SRGAP3: variants seen among roughly 807,000 people sequenced by gnomAD.
The protein encoded by SRGAP3 is SLIT-ROBO Rho GTPase-activating protein 3.
Under a neutral mutation model 121.1 loss-of-function variants are expected in SRGAP3, and 39 were observed. The observed-to-expected ratio is 0.32, with a 90% CI of 0.25 to 0.42. SRGAP3 has a LOEUF of 0.42. Ranked by LOEUF, SRGAP3 falls within the 10% of genes least tolerant of loss-of-function variation. The pLI is 1.00. For missense variants in SRGAP3, 1,213 were observed against 1,470.6 expected, an observed-to-expected ratio of 0.82 and a Z score of 2.86; for synonymous variants, 601 against 570.0, an observed-to-expected ratio of 1.05 and a Z score of -0.77.
intron 3 of SRGAP3, among the ~76,000 whole-genome samples, chr3:9,299,287 AGAGGCG>A (rs932818464): frequency 1.4e-5 from 2 of 141,078 alleles, no homozygotes; most frequent in Non-Finnish European, 3.1e-5. Flanking sequence ...CTTGAACTCG[AGAGGCG>A]GAGACTGCAG....
At chr3:9,312,802 T>C (rs533230419) in intron 3 of SRGAP3, among the ~76,000 whole-genome samples, 4 of 152,064 alleles carry the variant, frequency 2.6e-5, no homozygotes, top group Middle Eastern at 3.4e-3. Context: ...CTGGGCAACA[T>C]AGCGAGACCC....
intron 1 of SRGAP3, among the ~76,000 whole-genome samples, chr3:9,354,273 G>A (rs532645045): frequency 2.5e-4 from 38 of 152,252 alleles, no homozygotes; most frequent in African/African-American, 7.9e-4. Flanking sequence ...CCATAGAAAC[G>A]AAAAGCAGAA....
intron 3 of SRGAP3, among the ~76,000 whole-genome samples, chr3:9,305,578 G>C (rs1321116792): frequency 6.6e-6 from 1 of 151,256 alleles, no homozygotes; most frequent in East Asian, 1.9e-4. Context: ...CCCCCCGACA[G>C]GCCCCAGTGT....
rs1269220486 is a variant in SRGAP3 at position 9,218,555 on chromosome 3, T to C, written c.67+30330A>G. ...AATCCAGCACAGTTGGCACATCAGG[T>C]AGAAACTATTTCCCACCGCTGATTT... is the stretch of plus-strand genomic sequence containing the variant. On this transcript the variant is annotated intron_variant, in intron 1 of 21. Coordinates refer to ENST00000383836, the MANE Select transcript of SRGAP3 (RefSeq NM_014850.4). This position sits in a 1 kb window ranked among gnomAD's most constrained non-coding sequence, Gnocchi z 5.3. 1.3e-5 allele frequency: 2 copies of C among 152,238 alleles called. No individual in the cohort carries two copies. Among genetic ancestry groups the C allele is most frequent in the Non-Finnish European group, 2.9e-5 (2 of 68,060 alleles). 9.4% of individuals were successfully genotyped at this position (152,238 alleles called of 1,614,324 possible).
At chr3:9,137,517 G>A (rs1949709353) in intron 1 of SRGAP3, among the ~76,000 whole-genome samples, 1 of 152,160 alleles carries the variant, frequency 6.6e-6, no homozygotes, top group Admixed American at 6.5e-5. Context: ...TAATGATGAT[G>A]CTATCAACCA....
rs556958608 is a variant in SRGAP3, at chr3:9,060,427, C to G, written c.673-68G>C. Reference sequence around the variant, plus strand: ...AGGACGGGGTTTGTGATTTTCTATTCCTTTTTTTTTTTTTTTTGAGACAGG... The same window carrying G: ...AGGACGGGGTTTGTGATTTTCTATTGCTTTTTTTTTTTTTTTTGAGACAGG... On this transcript the variant is annotated intron_variant, in intron 5 of 21. Coordinates refer to ENST00000383836, the MANE Select transcript of SRGAP3 (RefSeq NM_014850.4). 1.7e-3 allele frequency: 1,721 copies of G among 986,578 alleles called. 38 individuals are homozygous for G. In the African/African-American group the frequency reaches 0.058, roughly 33 times the overall value. 61.1% of individuals were successfully genotyped at this position (986,578 alleles called of 1,614,324 possible).
At chr3:9,263,613 A>G (rs1358037960) in intron 3 of SRGAP3, among the ~76,000 whole-genome samples, 1 of 152,222 alleles carries the variant, frequency 6.6e-6, no homozygotes, top group East Asian at 1.9e-4. Context: ...AATAAACTAG[A>G]AAATCTAGAA....
At chr3:9,262,546 A>AAAAAAAAAAAAAAAAAT (rs1954275936) in intron 3 of SRGAP3, among the ~76,000 whole-genome samples, 1 of 147,578 alleles carries the variant, frequency 6.8e-6, no homozygotes, top group Non-Finnish European at 1.5e-5. Context: ...AAAAAAAAAA[A>AAAAAAAAAAAAAAAAAT]AAAAAAAAAA....
At chr3:9,236,600 C>T (rs1305009169) in intron 1 of SRGAP3, among the ~76,000 whole-genome samples, 3 of 151,938 alleles carry the variant, frequency 2.0e-5, no homozygotes. Context: ...CTTCTTCCTA[C>T]TCCTGCCATG....
chr3:9,225,767 C>T (rs987167516), intron 1 of SRGAP3, among the ~76,000 whole-genome samples: 1 of 152,124 alleles, frequency 6.6e-6, no homozygotes, highest in African/African-American at 2.4e-5. Flanking sequence ...CCAGGCAGGC[C>T]GGGTAAACAG....
intron 3 of SRGAP3, among the ~76,000 whole-genome samples, chr3:9,266,511 T>A (rs946835153): frequency 3.3e-5 from 5 of 152,136 alleles, no homozygotes; most frequent in Non-Finnish European, 5.9e-5. Context: ...GCCTGACATA[T>A]AATAGGTGAT....
chr3:9,198,800 G>A (rs1210725755), intron 1 of SRGAP3, among the ~76,000 whole-genome samples: 1 of 152,170 alleles, frequency 6.6e-6, no homozygotes, highest in Non-Finnish European at 1.5e-5. Context: ...CTTCTAAAGG[G>A]CATTCACATG....
At chr3:9,177,593 C>T (rs530012749) in intron 1 of SRGAP3, among the ~76,000 whole-genome samples, 2 of 152,276 alleles carry the variant, frequency 1.3e-5, no homozygotes, top group South Asian at 4.2e-4. Flanking sequence ...TTGAGAGGAG[C>T]TCCACTGTCA....
At chr3:9,162,472 G>A (rs1950631682) in intron 1 of SRGAP3, among the ~76,000 whole-genome samples, 1 of 152,012 alleles carries the variant, frequency 6.6e-6, no homozygotes, top group Non-Finnish European at 1.5e-5. Context: ...CCTAATATTT[G>A]GGGCTCTGGG....
intron 1 of SRGAP3, among the ~76,000 whole-genome samples, chr3:9,164,581 C>T (rs138059633): frequency 2.8e-3 from 433 of 152,222 alleles, no homozygotes; most frequent in African/African-American, 9.8e-3. Flanking sequence ...TGAGCCACCG[C>T]ACCCAGCCCC....
At chr3:9,225,166 G>C (rs1445746624) in intron 1 of SRGAP3, among the ~76,000 whole-genome samples, 1 of 152,160 alleles carries the variant, frequency 6.6e-6, no homozygotes, top group African/African-American at 2.4e-5. Flanking sequence ...GGGGCCTTTG[G>C]AGAGAACAGT....
intron 1 of SRGAP3, among the ~76,000 whole-genome samples, chr3:9,245,206 C>T (rs1372641418): frequency 6.6e-6 from 1 of 152,130 alleles, no homozygotes; most frequent in Non-Finnish European, 1.5e-5. Flanking sequence ...GCCTACATTC[C>T]TAAACAGCAA....
intron 8 of SRGAP3, among the ~76,000 whole-genome samples, chr3:9,055,278 G>C (rs1415584197): frequency 6.6e-6 from 1 of 152,186 alleles, no homozygotes; most frequent in East Asian, 1.9e-4. Context: ...GCCCAGGATA[G>C]AACTCTTGAG....
At chr3:9,137,213 C>CTA (rs1949696869) in intron 1 of SRGAP3, among the ~76,000 whole-genome samples, 1 of 152,172 alleles carries the variant, frequency 6.6e-6, no homozygotes, top group Admixed American at 6.5e-5. Context: ...GCCATATGTA[C>CTA]TATACCAAGT....
Sources: gnomAD v4.1 joint callset for allele counts (sites outside exome capture counted in the v4.1 genomes callset) on GRCh38, gnomAD v4.1.1 for gene constraint, Gnocchi (gnomAD v3.1) non-coding constraint, MANE v1.5 for transcripts, NCBI Gene and HGNC (gene_info 2026-07-23, HGNC 2026-07-21) for gene names.